Variants in RELN observed in about 807,000 individuals in gnomAD.
The protein encoded by RELN is reelin.
Under a neutral mutation model 427.6 loss-of-function variants are expected in RELN, and 108 were observed. The observed-to-expected ratio is 0.25, with a 90% CI of 0.22 to 0.30. The LOEUF (loss-of-function observed/expected upper bound fraction) is 0.30. RELN is among the 10% of genes least tolerant of loss of function. The pLI is 1.00. For synonymous variants in RELN, 1,524 were observed against 1,513.4 expected, an observed-to-expected ratio of 1.01 and a Z score of -0.16; for missense variants, 3,715 against 4,302.8, an observed-to-expected ratio of 0.86 and a Z score of 3.82.
chr7:103,705,364 C>G (rs111594994), intron 8 of RELN, among the ~76,000 whole-genome samples: 5,390 of 152,106 alleles, frequency 0.035, 123 homozygotes, highest in Non-Finnish European at 0.054. Flanking sequence ...ACAAAAAAAC[C>G]TAAAACACTT....
At chr7:103,776,323 T>C (rs1791741231) in intron 4 of RELN, among the ~76,000 whole-genome samples, 1 of 152,230 alleles carries the variant, frequency 6.6e-6, no homozygotes. Flanking sequence ...AGGTAATTCA[T>C]TAGAAAAAAA....
chr7:103,661,180 G>C (rs2117412003), intron 12 of RELN, among the ~76,000 whole-genome samples, 196 bp downstream of exon 12: 1 of 152,288 alleles, frequency 6.6e-6, no homozygotes, highest in South Asian at 2.1e-4. Context: ...GCCATGACTA[G>C]ATCTCTTTAG....
chr7:103,633,648 C>A (rs1442457691), intron 19 of RELN, among the ~76,000 whole-genome samples: 1 of 151,992 alleles, frequency 6.6e-6, no homozygotes, highest in South Asian at 2.1e-4. Context: ...CAAGATTAAA[C>A]GCGCCTTTGC....
rs535814732 is a variant in RELN, at chr7:103,923,473, T to A, written c.227-6288A>T. Among the ~76,000 whole-genome samples, 4 of 150,336 alleles carry A rather than the reference T, an allele frequency of 2.7e-5. No individual in the cohort carries two copies. In the South Asian group the frequency reaches 8.4e-4, roughly 32 times the overall value. ...ACCAACAACAGCAAAGAAAAAAAAA[T>A]CATCCCAATAAATGTAAAAGAAATG... On this transcript the variant is annotated intron_variant, in intron 1 of 64. Transcript: ENST00000428762.
At chr7:103,823,257 C>T (rs1478824812) in intron 3 of RELN, among the ~76,000 whole-genome samples, 1 of 151,958 alleles carries the variant, frequency 6.6e-6, no homozygotes, top group African/African-American at 2.4e-5. Flanking sequence ...AAACAGCATA[C>T]TGCTGTATTT....
chr7:103,851,425 C>A (rs763665078), intron 2 of RELN, among the ~76,000 whole-genome samples: 13 of 152,264 alleles, frequency 8.5e-5, no homozygotes, highest in Non-Finnish European at 1.3e-4. Flanking sequence ...TCTCACACAT[C>A]ACCACTAAAG....
At chr7:103,665,704 A>T (rs566812039) in intron 11 of RELN, among the ~76,000 whole-genome samples, 1 of 152,134 alleles carries the variant, frequency 6.6e-6, no homozygotes, top group African/African-American at 2.4e-5. Flanking sequence ...TATTTTATTT[A>T]TTCTATGGAA....
intron 8 of RELN, among the ~76,000 whole-genome samples, chr7:103,708,926 A>T (rs1015345248): frequency 1.1e-4 from 16 of 152,182 alleles, no homozygotes; most frequent in African/African-American, 3.4e-4. Context: ...TGACATGTCC[A>T]TTTATTTGAC....
chr7:103,875,051 C>T (rs1794445762), intron 2 of RELN, among the ~76,000 whole-genome samples: 1 of 145,148 alleles, frequency 6.9e-6, no homozygotes, highest in African/African-American at 2.5e-5. Context: ...AGAAATAACG[C>T]CGCATACCTA....
chr7:103,985,967 C>A (rs538702809), intron 1 of RELN, among the ~76,000 whole-genome samples: 1 of 151,662 alleles, frequency 6.6e-6, no homozygotes, highest in East Asian at 1.9e-4. Context: ...TTCTACCACA[C>A]AAAACAAAAC....
Position 103,573,490 on chromosome 7 carries a change from C to T in RELN, c.4511+602G>A, listed in dbSNP as rs1830929526. Among the ~76,000 whole-genome samples the T allele has an allele frequency of 1.3e-5, 2 of 152,156 alleles. No homozygotes were observed. Among genetic ancestry groups the T allele is most frequent in the African/African-American group, 4.8e-5 (2 of 41,432 alleles). ...AAGGAAGGAAAAATATGACACAGGA[C>T]CCCAGATTTTGTGAGGAGGTCTAAA... is the stretch of plus-strand genomic sequence containing the variant. On this transcript the variant is annotated intron_variant, in intron 30 of 64. Coordinates refer to ENST00000428762, the MANE Select transcript of RELN (RefSeq NM_005045.4). The surrounding 1 kb of genome is among the most constrained non-coding windows in gnomAD (Gnocchi z 4.4).
intron 20 of RELN, among the ~76,000 whole-genome samples, chr7:103,621,670 G>T (rs1025885551): frequency 6.6e-6 from 1 of 152,098 alleles, no homozygotes; most frequent in Admixed American, 6.5e-5. Flanking sequence ...GACCCACATG[G>T]CTCAACCAAG....
In RELN at chr7:103,593,787, G is replaced by A. The variant is rs1344176839; in HGVS notation, c.3807C>T (p.Phe1269=). The A allele has an allele frequency of 6.2e-7, 1 of 1,613,624 alleles. No individual in the cohort carries two copies. Among genetic ancestry groups the A allele is most frequent in the African/African-American group, 1.3e-5 (1 of 74,898 alleles). ...ANEGMVKNET[F]CAATPSAMIF... ...TCATTGCTGATGGTGTGGCAGCACA[G>A]AAGGTTTCATTTTTAACCATTCCTT... The change falls in exon 27 of 65, where the codon TTC becomes TTT. Residue 1269 remains phenylalanine, a synonymous_variant. Coordinates refer to ENST00000428762, the MANE Select transcript of RELN (RefSeq NM_005045.4).
chr7:103,670,887 T>C (rs1468086757), intron 11 of RELN, among the ~76,000 whole-genome samples: 2 of 152,188 alleles, frequency 1.3e-5, no homozygotes, highest in Admixed American at 6.6e-5. Flanking sequence ...TTTTAATTTA[T>C]ATTATCCAGA....
At chr7:103,948,192 A>G (rs755430843) in intron 1 of RELN, among the ~76,000 whole-genome samples, 4 of 152,192 alleles carry the variant, frequency 2.6e-5, no homozygotes, top group Non-Finnish European at 5.9e-5. Flanking sequence ...ACATTTTTAA[A>G]CATTTAATAC....
intron 27 of RELN, among the ~76,000 whole-genome samples, chr7:103,593,194 G>A (rs1831460619): frequency 6.6e-6 from 1 of 152,150 alleles, no homozygotes. Context: ...ATGTTGATAT[G>A]TTATCACAGA....
rs60728490 is a variant in RELN, at chr7:103,773,197, TTC to T, written c.544+3358_544+3359del. Among the ~76,000 whole-genome samples, 591 of 100,282 alleles carry T rather than the reference TTC, an allele frequency of 5.9e-3. 47 individuals are homozygous for T. Among genetic ancestry groups the T allele is most frequent in the African/African-American group, 0.023 (524 of 22,520 alleles). 65.8% of individuals were successfully genotyped at this position (100,282 alleles called of 152,430 possible). ...TTCTTTCCTTCTTTCTTTTCTTTCTTTCTCTCTCTCTCTCTCTCTCCCTCCCT... is the reference window on the plus strand; with the variant it reads ...TTCTTTCCTTCTTTCTTTTCTTTCTTTCTCTCTCTCTCTCTCTCCCTCCCT... On this transcript the variant is annotated intron_variant, in intron 4 of 64. Transcript: ENST00000428762.
At chr7:103,817,887 G>A (rs903307278) in intron 3 of RELN, among the ~76,000 whole-genome samples, 1 of 131,898 alleles carries the variant, frequency 7.6e-6, no homozygotes, top group African/African-American at 2.8e-5. Context: ...AGAGGTTGCA[G>A]TGAGCTGAGA....
chr7:103,804,039 TTC>T (rs1792534080), intron 3 of RELN, among the ~76,000 whole-genome samples: 1 of 152,132 alleles, frequency 6.6e-6, no homozygotes, highest in Non-Finnish European at 1.5e-5. Flanking sequence ...TGTAATTAGC[TTC>T]ACCTTCAGTA....
Sources: allele counts gnomAD v4.1 joint callset (sites outside exome capture counted in the v4.1 genomes callset), GRCh38; gene constraint gnomAD v4.1.1; non-coding constraint Gnocchi (gnomAD v3.1); transcripts MANE v1.5; gene names NCBI Gene and HGNC (gene_info 2026-07-23, HGNC 2026-07-21).